Variants in CTTNBP2 observed in about 807,000 individuals in gnomAD.
CTTNBP2 encodes the protein cortactin-binding protein 2.
A neutral mutation model predicts 156.9 loss-of-function variants in CTTNBP2; 108 were observed. That is an observed-to-expected ratio of 0.69 (90% confidence interval 0.59 to 0.81). The LOEUF (loss-of-function observed/expected upper bound fraction) is 0.81. Ranked by LOEUF, CTTNBP2 falls within the 30% of genes least tolerant of loss-of-function variation. CTTNBP2 has a pLI of 0.00. For missense variants in CTTNBP2, 1,924 were observed against 2,035.4 expected, an observed-to-expected ratio of 0.95 and a Z score of 1.05; for synonymous variants, 767 against 751.8, an observed-to-expected ratio of 1.02 and a Z score of -0.33.
At chr7:117,817,388 A>ATATATAT (rs1554437687) in intron 2 of CTTNBP2, among the ~76,000 whole-genome samples, 2 of 124,766 alleles carry the variant, frequency 1.6e-5, no homozygotes, top group African/African-American at 5.7e-5. Context: ...ATATATATAT[A>ATATATAT]ATTTCATCAG....
chr7:117,795,238 C>A (rs928114112), intron 3 of CTTNBP2, among the ~76,000 whole-genome samples: 1 of 152,112 alleles, frequency 6.6e-6, no homozygotes, highest in Non-Finnish European at 1.5e-5. Flanking sequence ...GAGCCTTGCA[C>A]AAATTTGACA....
At chr7:117,864,592 C>G (rs1281352000) in intron 1 of CTTNBP2, among the ~76,000 whole-genome samples, 3 of 109,554 alleles carry the variant, frequency 2.7e-5, no homozygotes, top group Non-Finnish European at 4.5e-5. Context: ...AAAATAACCC[C>G]AGAAGCAAAA....
intron 8 of CTTNBP2, among the ~76,000 whole-genome samples, chr7:117,776,809 T>A (rs1005860939): frequency 6.6e-6 from 1 of 152,228 alleles, no homozygotes; most frequent in African/African-American, 2.4e-5. Context: ...GCTTTTCTTA[T>A]CCTACATTTG....
chr7:117,741,519 A>C (rs1796018050), intron 14 of CTTNBP2, among the ~76,000 whole-genome samples: 1 of 152,216 alleles, frequency 6.6e-6, no homozygotes, highest in Admixed American at 6.5e-5. Context: ...TTACTAACCC[A>C]ATTCCATACC....
At chr7:117,719,975 C>T (rs184297375) in intron 20 of CTTNBP2, among the ~76,000 whole-genome samples, 5 of 152,262 alleles carry the variant, frequency 3.3e-5, no homozygotes, top group Non-Finnish European at 7.4e-5. Context: ...GGGACAAACA[C>T]GGATTTCAAA....
At chr7:117,842,857 T>C (rs1038833041) in intron 2 of CTTNBP2, among the ~76,000 whole-genome samples, 2 of 152,208 alleles carry the variant, frequency 1.3e-5, no homozygotes, top group Non-Finnish European at 2.9e-5. Flanking sequence ...ATTCAGCAAA[T>C]ACTTATTGAG....
intron 2 of CTTNBP2, among the ~76,000 whole-genome samples, chr7:117,858,350 A>G (rs1014019070): frequency 6.6e-6 from 1 of 152,226 alleles, no homozygotes; most frequent in Non-Finnish European, 1.5e-5. Flanking sequence ...AGCCTGGGCG[A>G]CAGAGTGAGA....
intron 2 of CTTNBP2, among the ~76,000 whole-genome samples, chr7:117,831,606 C>T (rs1801614311): frequency 6.6e-6 from 1 of 152,132 alleles, no homozygotes; most frequent in Admixed American, 6.5e-5. Context: ...ATTTGAAAGA[C>T]TGTATACATT....
chr7:117,794,919 G>A (rs1267774782), intron 3 of CTTNBP2, among the ~76,000 whole-genome samples: 15 of 114,864 alleles, frequency 1.3e-4, no homozygotes, highest in East Asian at 2.4e-4. Flanking sequence ...ACGGAGTCTC[G>A]CTCTGTCGCC....
chr7:117,776,998 A>C (rs1275367834), intron 8 of CTTNBP2, among the ~76,000 whole-genome samples: 2 of 152,232 alleles, frequency 1.3e-5, no homozygotes, highest in Non-Finnish European at 2.9e-5. Context: ...TGAATGGACT[A>C]CTATATTATA....
chr7:117,865,893 A>C (rs1362447949), intron 1 of CTTNBP2, among the ~76,000 whole-genome samples: 1 of 148,610 alleles, frequency 6.7e-6, no homozygotes, highest in Non-Finnish European at 1.5e-5. Context: ...ATTGTATGTT[A>C]ATCTATTGTA....
At chr7:117,753,752 G>C (rs1047765051) in intron 12 of CTTNBP2, among the ~76,000 whole-genome samples, 10 of 146,198 alleles carry the variant, frequency 6.8e-5, no homozygotes, top group African/African-American at 2.5e-4. Context: ...CATACACTGG[G>C]GCCTGTCACA....
At chr7:117,761,597 A>G (rs1226783336) in intron 9 of CTTNBP2, among the ~76,000 whole-genome samples, 1 of 152,216 alleles carries the variant, frequency 6.6e-6, no homozygotes, top group Non-Finnish European at 1.5e-5. Flanking sequence ...ACAGTTTAGG[A>G]ACTGTTAAAA....
At position 117,740,137 on chromosome 7, in the gene CTTNBP2, A is replaced by G. The variant is rs1338911322; in HGVS notation, c.3536-4716T>C. Among the ~76,000 whole-genome samples the G allele has an allele frequency of 3.3e-5, 5 of 152,148 alleles. No homozygotes were observed. In the East Asian group the frequency reaches 9.6e-4, roughly 29 times the overall value. ...ATGACCCTCTCTCAAGAAAGGGAAT[A>G]TGAGAAGAAAATGTTATTTTAAAAT... On this transcript the variant is annotated intron_variant, in intron 14 of 22. Transcript: ENST00000160373.
At chr7:117,762,613 C>T (rs554269994) in intron 9 of CTTNBP2, among the ~76,000 whole-genome samples, 2 of 152,338 alleles carry the variant, frequency 1.3e-5, no homozygotes, top group African/African-American at 4.8e-5. Flanking sequence ...GTACTAACAG[C>T]TGTTCCTGAT....
At chr7:117,756,407 C>A (rs942272148) in intron 12 of CTTNBP2, 148 bp downstream of exon 12, 9 of 648,954 alleles carry the variant, frequency 1.4e-5, no homozygotes, top group Non-Finnish European at 2.5e-5. Context: ...GGGCAGCCTG[C>A]CAGGGAGGGG....
intron 1 of CTTNBP2, among the ~76,000 whole-genome samples, chr7:117,866,256 TC>T (rs1370056569): frequency 6.6e-6 from 1 of 152,156 alleles, no homozygotes; most frequent in Non-Finnish European, 1.5e-5. Context: ...TGTGGGGAAT[TC>T]AATAGATACA....
intron 12 of CTTNBP2, chr7:117,755,397 T>A (rs186848523): frequency 3.1e-6 from 1 of 326,768 alleles, no homozygotes; most frequent in East Asian, 9.7e-5. Flanking sequence ...TCCAACTCAT[T>A]TATTTAAAAA....
chr7:117,781,707 C>T (rs1315294790), intron 6 of CTTNBP2, among the ~76,000 whole-genome samples: 1 of 152,208 alleles, frequency 6.6e-6, no homozygotes, highest in African/African-American at 2.4e-5. Context: ...CACTATACTC[C>T]AGCCTGGCGA....
Sources: allele counts gnomAD v4.1 joint callset (sites outside exome capture counted in the v4.1 genomes callset), GRCh38; gene constraint gnomAD v4.1.1; transcripts MANE v1.5; gene names NCBI Gene and HGNC (gene_info 2026-07-23, HGNC 2026-07-21).